The following ASB13 variants were observed in gnomAD, a reference collection of about 807,000 sequenced individuals.
ASB13 encodes the protein ankyrin repeat and SOCS box protein 13.
A neutral mutation model predicts 28.8 loss-of-function variants in ASB13; 33 were observed. The ratio of observed to expected loss-of-function variants is 1.15; its 90% CI spans 0.87 to 1.53. The LOEUF is 1.53. Among genes scored for constraint, ASB13 ranks in the 40% most tolerant of loss-of-function variants. The probability of loss-of-function intolerance (pLI) is 0.00; values close to 1 mark genes in which losing one functional copy is unlikely to be tolerated. For synonymous variants in ASB13, 182 were observed against 172.9 expected, an observed-to-expected ratio of 1.05 and a Z score of -0.41; for missense variants, 414 against 390.1, an observed-to-expected ratio of 1.06 and a Z score of -0.52.
rs1238573408 is a variant in ASB13 at position 5,658,463 on chromosome 10, A to G, written c.44-5413T>C. On this transcript the variant is annotated intron_variant, in intron 1 of 5. Transcript: ENST00000357700. The surrounding 1 kb of genome is among the most constrained non-coding windows in gnomAD (Gnocchi z 4.2). ...AAAACCAAATAAGCCATTTCTGAAA[A>G]GCCAAATACTGTATGATTCCACTTA... is the stretch of plus-strand genomic sequence containing the variant. Among the ~76,000 whole-genome samples, 1 of 152,036 alleles carries G rather than the reference A, an allele frequency of 6.6e-6. No homozygotes were observed. The highest frequency in any genetic ancestry group is 1.5e-5 in the Non-Finnish European group (1 of 68,004).
Position 5,649,242 on chromosome 10 carries a change from G to A in ASB13, c.383-138C>T. On this transcript the variant is annotated intron_variant, in intron 3 of 5. Coordinates refer to ENST00000357700, the MANE Select transcript of ASB13 (RefSeq NM_024701.4). The surrounding 1 kb of genome is among the most constrained non-coding windows in gnomAD (Gnocchi z 6.4). ...CCAGGCAGGCCTGCGTCCCAACCTA[G>A]GGAGGAGTTCATGACCCGCATGGCC... The A allele has an allele frequency of 1.6e-6, 2 of 1,223,260 alleles. No individual in the cohort carries two copies. Among genetic ancestry groups the A allele is most frequent in the South Asian group, 1.4e-5 (1 of 72,014 alleles). The allele number at this position is 1,223,260 out of a possible 1,614,324, so 75.8% of individuals were successfully genotyped here.
At position 5,652,203 on chromosome 10, in the gene ASB13, G is replaced by A. The variant is rs72772146; in HGVS notation, c.231+660C>T. 0.11 allele frequency among the ~76,000 whole-genome samples: 17,196 copies of A among 152,054 alleles called. 1,150 individuals carry two copies. Among genetic ancestry groups the A allele is most frequent in the African/African-American group, 0.18 (7,267 of 41,434 alleles). ...TTGTCCAAATTCAAATTCTATTTGG[G>A]TACACACTGAAATCGGTTCCATTCC... On this transcript the variant is annotated intron_variant, in intron 2 of 5. Transcript: ENST00000357700. This position sits in a 1 kb window ranked among gnomAD's most constrained non-coding sequence, Gnocchi z 5.0.
chr10:5,640,563 A>G lies in ASB13; in HGVS notation c.*140T>C. On this transcript the variant is annotated 3_prime_UTR_variant, in exon 6 of 6. Transcript: ENST00000357700. ...TATCCAGGATCCAGGAGAGAAGCCT[A>G]AACAGGATCGCAGGAAGGGACTCGA... The G allele has an allele frequency of 8.9e-7, 1 of 1,120,262 alleles. No homozygotes were observed. Among genetic ancestry groups the G allele is most frequent in the Non-Finnish European group, 1.3e-6 (1 of 784,182 alleles). 69.4% of individuals were successfully genotyped at this position (1,120,262 alleles called of 1,614,324 possible).
rs1040587938 is a variant in ASB13 at position 5,641,578 on chromosome 10, C to T, written c.709+192G>A. 3.3e-5 allele frequency among the ~76,000 whole-genome samples: 5 copies of T among 152,196 alleles called. No homozygotes were observed. Among genetic ancestry groups the T allele is most frequent in the Non-Finnish European group, 7.3e-5 (5 of 68,042 alleles). On this transcript the variant is annotated intron_variant, in intron 5 of 5. Coordinates refer to ENST00000357700, the MANE Select transcript of ASB13 (RefSeq NM_024701.4). The surrounding 1 kb of genome is among the most constrained non-coding windows in gnomAD (Gnocchi z 8.4). The stretch of plus-strand genomic sequence containing the variant: ...TTCTGCTGCTCCACGCCACGGGCCA[C>T]AGGGAACCCAGGGAGAGCTGGGGCA...
At chr10:5,646,622 G>A (rs1200209100) in intron 4 of ASB13, among the ~76,000 whole-genome samples, 4 of 152,168 alleles carry the variant, frequency 2.6e-5, no homozygotes, top group African/African-American at 4.8e-5. Context: ...CCTGCTCTGC[G>A]TCTCAGCCCT....
rs1588520339 is a variant in ASB13 at position 5,661,471 on chromosome 10, C to T, written c.43+5038G>A. Among the ~76,000 whole-genome samples the T allele has an allele frequency of 6.6e-6, 1 of 152,264 alleles. No homozygotes were observed. The highest frequency in any genetic ancestry group is 2.4e-5 in the African/African-American group (1 of 41,558). On this transcript the variant is annotated intron_variant, in intron 1 of 5. Coordinates refer to ENST00000357700, the MANE Select transcript of ASB13 (RefSeq NM_024701.4). This position sits in a 1 kb window ranked among gnomAD's most constrained non-coding sequence, Gnocchi z 4.9. Reference sequence around the variant, plus strand: ...TCCAGGTCAAATACCCAAGATGCACCTTTTTTCCTATTTTGTTTTCTTATT... The same window carrying T: ...TCCAGGTCAAATACCCAAGATGCACTTTTTTTCCTATTTTGTTTTCTTATT...
chr10:5,641,181 A>C lies in ASB13; in HGVS notation c.710-351T>G, dbSNP rs532170137. On this transcript the variant is annotated intron_variant, in intron 5 of 5. Coordinates refer to ENST00000357700, the MANE Select transcript of ASB13 (RefSeq NM_024701.4). The surrounding 1 kb of genome is among the most constrained non-coding windows in gnomAD (Gnocchi z 8.4). The stretch of plus-strand genomic sequence containing the variant: ...CAGCGGCACAATCTCAGCTCACTGC[A>C]ACCTCCGCCTCCTGCATTCAAGCAA... Among the ~76,000 whole-genome samples, 1 of 152,204 alleles carries C rather than the reference A, an allele frequency of 6.6e-6. No individual in the cohort carries two copies. Among genetic ancestry groups the C allele is most frequent in the Non-Finnish European group, 1.5e-5 (1 of 67,984 alleles).
chr10:5,651,342 C>T lies in ASB13; in HGVS notation c.253G>A (p.Gly85Ser). ...GAQVDARNIDGSTPLCDACAS... is the reference protein window; with the variant it reads ...GAQVDARNIDSSTPLCDACAS... ...CAGGCATCGCAGAGCGGGGTGCTGC[C>T]GTCGATGTTGCGAGCATCCACCTCA... The change falls in exon 3 of 6, where the codon GGC (glycine) becomes AGC (serine). Residue 85 changes from glycine to serine, a missense_variant. Physicochemically the swap from Gly to Ser is moderately conservative, Grantham distance 56. Coordinates refer to ENST00000357700, the MANE Select transcript of ASB13 (RefSeq NM_024701.4). The surrounding 1 kb of genome is among the most constrained non-coding windows in gnomAD (Gnocchi z 5.1). The T allele has an allele frequency of 3.1e-6, 5 of 1,610,906 alleles. No individual in the cohort carries two copies. The highest frequency in any genetic ancestry group is 4.2e-6 in the Non-Finnish European group (5 of 1,178,260).
In ASB13 at chr10:5,644,183, T is replaced by G. The variant is rs1834849047; in HGVS notation, c.518-2222A>C. On this transcript the variant is annotated intron_variant, in intron 4 of 5. Coordinates refer to ENST00000357700, the MANE Select transcript of ASB13 (RefSeq NM_024701.4). The surrounding 1 kb of genome is among the most constrained non-coding windows in gnomAD (Gnocchi z 5.1). ...GAAGAGAGTCAGAGATGAAACTCGA[T>G]CAGCTATGTTCATTAAAAATATATG... Among the ~76,000 whole-genome samples, 1 of 152,202 alleles carries G rather than the reference T, an allele frequency of 6.6e-6. No homozygotes were observed. Among genetic ancestry groups the G allele is most frequent in the South Asian group, 2.1e-4 (1 of 4,826 alleles).
rs1835141124 is a variant in ASB13 at position 5,660,376 on chromosome 10, C to T, written c.43+6133G>A. ...TCTTGCCCCTTTGCTGGGGCCCCGACACCCTCCCATCTAAGGCTGTGCCCT... is the reference window on the plus strand; with the variant it reads ...TCTTGCCCCTTTGCTGGGGCCCCGATACCCTCCCATCTAAGGCTGTGCCCT... On this transcript the variant is annotated intron_variant, in intron 1 of 5. Transcript: ENST00000357700. The surrounding 1 kb of genome is among the most constrained non-coding windows in gnomAD (Gnocchi z 6.1). Among the ~76,000 whole-genome samples, 1 of 152,172 alleles carries T rather than the reference C, an allele frequency of 6.6e-6. No homozygotes were observed. Among genetic ancestry groups the T allele is most frequent in the South Asian group, 2.1e-4 (1 of 4,834 alleles).
Position 5,659,762 on chromosome 10 carries a change from T to A in ASB13, c.44-6712A>T, listed in dbSNP as rs1205462753. On this transcript the variant is annotated intron_variant, in intron 1 of 5. Transcript: ENST00000357700. The surrounding 1 kb of genome is among the most constrained non-coding windows in gnomAD (Gnocchi z 5.8). ...CCATCCCCTGTCACCTTGGGAATAG[T>A]ACCACAGCTAGCCAGCCTCCCCACA... 6.6e-6 allele frequency among the ~76,000 whole-genome samples: 1 copy of A among 151,942 alleles called. No homozygotes were observed. The highest frequency in any genetic ancestry group is 2.4e-5 in the African/African-American group (1 of 41,334).
Position 5,652,715 on chromosome 10 carries a change from A to G in ASB13, c.231+148T>C. On this transcript the variant is annotated intron_variant, in intron 2 of 5. Transcript: ENST00000357700. The surrounding 1 kb of genome is among the most constrained non-coding windows in gnomAD (Gnocchi z 5.0). ...CCTCCTAACAGCCAGGTCCACGAGC[A>G]CTTCTCAGCCATGGGCTTCCTGGTA... is the stretch of plus-strand genomic sequence containing the variant. 1 of 784,292 alleles carries G rather than the reference A, an allele frequency of 1.3e-6. No individual in the cohort carries two copies. The highest frequency in any genetic ancestry group is 4.0e-5 in the South Asian group (1 of 25,316). 48.6% of individuals were successfully genotyped at this position (784,292 alleles called of 1,614,324 possible).
At position 5,651,942 on chromosome 10, in the gene ASB13, C is replaced by A. The variant is rs756343796; in HGVS notation, c.232-579G>T. 4.3e-5 allele frequency among the ~76,000 whole-genome samples: 6 copies of A among 141,142 alleles called. No individual in the cohort carries two copies. The highest frequency in any genetic ancestry group is 7.5e-5 in the Non-Finnish European group (5 of 66,340). 92.6% of individuals were successfully genotyped at this position (141,142 alleles called of 152,430 possible). On this transcript the variant is annotated intron_variant, in intron 2 of 5. Transcript: ENST00000357700. This position sits in a 1 kb window ranked among gnomAD's most constrained non-coding sequence, Gnocchi z 5.1. ...ACTTGAGTCAAGGAGGATGAGGTTG[C>A]AGTGAGCTATGATCACGCCACTGCA...
At chr10:5,653,768 G>A (rs1835028356) in intron 1 of ASB13, among the ~76,000 whole-genome samples, 1 of 152,032 alleles carries the variant, frequency 6.6e-6, no homozygotes, top group Non-Finnish European at 1.5e-5. Flanking sequence ...TGCAACCTCC[G>A]CCTCCCGGGT....
In ASB13 at chr10:5,664,718, T is replaced by A. The variant is rs1028867511; in HGVS notation, c.43+1791A>T. On this transcript the variant is annotated intron_variant, in intron 1 of 5. Transcript: ENST00000357700. The surrounding 1 kb of genome is among the most constrained non-coding windows in gnomAD (Gnocchi z 4.2). The stretch of plus-strand genomic sequence containing the variant: ...ATTTTTGAGACGGAGTCTCACTCTG[T>A]CGCCCAGGCTGGAGTGCAATGGCAT... 1.1e-4 allele frequency among the ~76,000 whole-genome samples: 17 copies of A among 152,228 alleles called. No homozygotes were observed.
In ASB13 at chr10:5,666,537, C is replaced by G; in HGVS notation, c.15G>C (p.Ala5=). Residue 5 remains alanine, a synonymous_variant, in exon 1 of 6, where the codon GCG becomes GCC. Coordinates refer to ENST00000357700, the MANE Select transcript of ASB13 (RefSeq NM_024701.4). MEPR[A]ADGCFLGDVG... is the part of the protein sequence containing the mutation. ...CGTCGCCCAGGAAGCAGCCGTCCGC[C>G]GCCCGGGGCTCCATGCGGCTCACCG... 8.0e-7 allele frequency: 1 copy of G among 1,245,366 alleles called. No individual in the cohort carries two copies. The highest frequency in any genetic ancestry group is 1.0e-6 in the Non-Finnish European group (1 of 989,620). 77.1% of individuals were successfully genotyped at this position (1,245,366 alleles called of 1,614,324 possible). A position where few individuals can be genotyped will look rare whatever the true frequency, so the allele number is the denominator to read the frequency against.
At position 5,662,446 on chromosome 10, in the gene ASB13, G is replaced by A. The variant is rs569890185; in HGVS notation, c.43+4063C>T. ...CTCAGGAGGCTGAGACAGGAGAATC[G>A]CTTGAACCAAGCAGTGGAGACTGCA... On this transcript the variant is annotated intron_variant, in intron 1 of 5. Transcript: ENST00000357700. Among the ~76,000 whole-genome samples the A allele has an allele frequency of 5.4e-5, 8 of 149,388 alleles. No individual in the cohort carries two copies. In the South Asian group the frequency reaches 8.5e-4, roughly 16 times the overall value.
Position 5,660,819 on chromosome 10 carries a change from G to A in ASB13, c.43+5690C>T, listed in dbSNP as rs1040722506. 6.6e-6 allele frequency among the ~76,000 whole-genome samples: 1 copy of A among 152,062 alleles called. No homozygotes were observed. The highest frequency in any genetic ancestry group is 1.5e-5 in the Non-Finnish European group (1 of 68,016). ...AAGTCGGGTGACTGATTGAGTCTCT[G>A]CCCAATTTTTCTGCTCAGTTCCCGG... On this transcript the variant is annotated intron_variant, in intron 1 of 5. Transcript: ENST00000357700. The surrounding 1 kb of genome is among the most constrained non-coding windows in gnomAD (Gnocchi z 6.1).
At chr10:5,666,384 G>C in intron 1 of ASB13, 125 bp downstream of exon 1, 1 of 810,200 alleles carries the variant, frequency 1.2e-6, no homozygotes, top group Non-Finnish European at 1.6e-6. Context: ...CCCGCCAAAC[G>C]CCCCCGCCCA....
Sources: gnomAD v4.1 joint callset for allele counts (sites outside exome capture counted in the v4.1 genomes callset) on GRCh38, gnomAD v4.1.1 for gene constraint, Gnocchi (gnomAD v3.1) non-coding constraint, MANE v1.5 for transcripts, NCBI Gene and HGNC (gene_info 2026-07-23, HGNC 2026-07-21) for gene names.